Variants in ATP2B4 observed in about 807,000 individuals in gnomAD.
The protein encoded by ATP2B4 is ATPase plasma membrane Ca2+ transporting 4, also known as plasma membrane calcium-transporting ATPase 4.
In ATP2B4, 39 loss-of-function variants were observed where a neutral mutation model predicts 110.3. The observed-to-expected ratio is 0.35, with a 90% CI of 0.27 to 0.46. ATP2B4 has a LOEUF of 0.46. ATP2B4 is among the 20% of genes least tolerant of loss of function. The pLI, the probability that ATP2B4 is intolerant of heterozygous loss-of-function variation, is 1.00. For synonymous variants in ATP2B4, 538 were observed against 571.7 expected (o/e 0.94, Z 0.84); for missense variants, 1,135 against 1,530.9 (o/e 0.74, Z 4.32).
intron 18 of ATP2B4, among the ~76,000 whole-genome samples, chr1:203,723,420 A>ATCTCTCTCTCTCTCTCTCTCTCTC (rs34964110): frequency 4.5e-5 from 2 of 44,538 alleles, no homozygotes; most frequent in Non-Finnish European, 7.9e-5. Flanking sequence ...TGAGACAGAT[A>ATCTCTCTCTCTCTCTCTCTCTCTC]TCTCTCTCTC....
At chr1:203,694,643 C>G (rs1307607316) in intron 2 of ATP2B4, among the ~76,000 whole-genome samples, 1 of 152,004 alleles carries the variant, frequency 6.6e-6, no homozygotes, top group East Asian at 1.9e-4. Context: ...GTCCTGGAAG[C>G]CCATCATTAA....
intron 1 of ATP2B4, among the ~76,000 whole-genome samples, chr1:203,660,734 G>A (rs1664313155): frequency 6.6e-6 from 1 of 152,038 alleles, no homozygotes; most frequent in South Asian, 2.1e-4. Context: ...GGGAGACGGA[G>A]GTTGCAGTGA....
intron 1 of ATP2B4, among the ~76,000 whole-genome samples, chr1:203,663,033 G>A (rs778289827): frequency 1.3e-5 from 2 of 152,154 alleles, no homozygotes; most frequent in Non-Finnish European, 2.9e-5. Context: ...GTTAACCCTG[G>A]AGATTCCCTC....
chr1:203,669,997 TC>T (rs1024344856), intron 1 of ATP2B4, among the ~76,000 whole-genome samples: 1 of 152,198 alleles, frequency 6.6e-6, no homozygotes, highest in Non-Finnish European at 1.5e-5. Flanking sequence ...TTTGTCTCTT[TC>T]AACAATGAGC....
At chr1:203,662,405 G>A (rs1664367528) in intron 1 of ATP2B4, among the ~76,000 whole-genome samples, 1 of 152,060 alleles carries the variant, frequency 6.6e-6, no homozygotes, top group South Asian at 2.1e-4. Flanking sequence ...CATCATCCAT[G>A]TCTAGAACTT....
At chr1:203,720,442 G>T (rs1666286880) in intron 15 of ATP2B4, 107 bp from the exon 16 acceptor site, 1 of 1,081,862 alleles carries the variant, frequency 9.2e-7, no homozygotes. Context: ...TGTGTGACTA[G>T]TGTGCCCTGT....
intron 3 of ATP2B4, among the ~76,000 whole-genome samples, chr1:203,698,669 A>C (rs12405255): frequency 0.15 from 22,561 of 151,608 alleles, 1,842 homozygotes; most frequent in South Asian, 0.24. Flanking sequence ...ATTTTAATGG[A>C]ATCTTGCTCT....
intron 1 of ATP2B4, chr1:203,657,736 A>G (rs1664205392): frequency 1.4e-6 from 1 of 717,610 alleles, no homozygotes. Context: ...TTATGGTGTA[A>G]TTCAATATAT....
At chr1:203,649,308 T>G (rs1663904676) in intron 1 of ATP2B4, among the ~76,000 whole-genome samples, 1 of 152,194 alleles carries the variant, frequency 6.6e-6, no homozygotes, top group African/African-American at 2.4e-5. Context: ...AAGAATTCCT[T>G]AATTTATTTC....
intron 1 of ATP2B4, among the ~76,000 whole-genome samples, chr1:203,664,639 G>A (rs979247506): frequency 6.6e-6 from 1 of 152,112 alleles, no homozygotes; most frequent in African/African-American, 2.4e-5. Context: ...TGAGGGGCAG[G>A]AGCCTGGCCC....
intron 16 of ATP2B4, 94 bp downstream of exon 16, chr1:203,720,834 G>A (rs1666299400): frequency 7.2e-7 from 1 of 1,390,838 alleles, no homozygotes; most frequent in Non-Finnish European, 9.7e-7. Flanking sequence ...GAAGAGTAAA[G>A]ACAGCGTTTC....
At chr1:203,714,931 G>C in intron 15 of ATP2B4, among the ~76,000 whole-genome samples, 1 of 151,834 alleles carries the variant, frequency 6.6e-6, no homozygotes. Flanking sequence ...TTTTTTTAAG[G>C]GTTTTATTCT....
intron 19 of ATP2B4, among the ~76,000 whole-genome samples, chr1:203,726,823 G>T (rs1666534544): frequency 6.6e-6 from 1 of 152,154 alleles, no homozygotes; most frequent in African/African-American, 2.4e-5. Flanking sequence ...TCTATGGACT[G>T]TCCCATCCAC....
At chr1:203,734,303 CAAA>C in intron 20 of ATP2B4, among the ~76,000 whole-genome samples, 1 of 126,180 alleles carries the variant, frequency 7.9e-6, no homozygotes. Context: ...GACTCTGTCT[CAAA>C]AAAAAAAAAA....
In ATP2B4 at chr1:203,683,275, T is replaced by C. The variant is rs202241442; in HGVS notation, c.70T>C (p.Cys24Arg). 5.6e-6 allele frequency: 9 copies of C among 1,614,076 alleles called. No individual in the cohort carries two copies. Among genetic ancestry groups the C allele is most frequent in the Non-Finnish European group, 7.6e-6 (9 of 1,180,032 alleles). ...CGAGAGCCGTGAAGGGGACTTTGGC[T>C]GCACAGTAATGGAACTGAGGAAGCT... ...MAESREGDFG[C>R]TVMELRKLME... The change falls in exon 2 of 21, where the codon TGC becomes CGC. Residue 24 changes from cysteine (C) to arginine (R), a missense_variant. Transcript: ENST00000357681.
intron 1 of ATP2B4, among the ~76,000 whole-genome samples, chr1:203,679,848 C>T (rs1664945457): frequency 1.3e-5 from 2 of 151,528 alleles, no homozygotes; most frequent in Non-Finnish European, 2.9e-5. Context: ...CGCCACTGCA[C>T]TCCAGCCTGG....
At chr1:203,711,427 G>A (rs1666006399) in intron 12 of ATP2B4, among the ~76,000 whole-genome samples, 1 of 152,136 alleles carries the variant, frequency 6.6e-6, no homozygotes, top group South Asian at 2.1e-4. Flanking sequence ...TTCTTTTTGA[G>A]TACCTGCTGT....
chr1:203,702,947 T>C (rs1478168491), intron 7 of ATP2B4, among the ~76,000 whole-genome samples: 1 of 152,214 alleles, frequency 6.6e-6, no homozygotes, highest in Non-Finnish European at 1.5e-5. Flanking sequence ...AAAATGGATT[T>C]ATATGTCTCT....
intron 1 of ATP2B4, among the ~76,000 whole-genome samples, chr1:203,637,348 G>A (rs546186532): frequency 6.7e-5 from 10 of 149,496 alleles, no homozygotes; most frequent in Middle Eastern, 3.4e-3. Context: ...GGAGAATGGC[G>A]TGAACCCCCG....
Sources: gnomAD v4.1 joint callset for allele counts (sites outside exome capture counted in the v4.1 genomes callset) on GRCh38, gnomAD v4.1.1 for gene constraint, MANE v1.5 for transcripts, NCBI Gene and HGNC (gene_info 2026-07-23, HGNC 2026-07-21) for gene names.